PIWIL2: variants seen among roughly 807,000 people sequenced by gnomAD.
PIWIL2 encodes piwi like RNA-mediated gene silencing 2.
PIWIL2 carries 81 observed loss-of-function variants against 116.5 expected under a neutral mutation model. The ratio of observed to expected loss-of-function variants is 0.70; its 90% CI spans 0.58 to 0.84. The LOEUF is 0.84. PIWIL2 is among the 40% of genes least tolerant of loss of function. The pLI, the probability that PIWIL2 is intolerant of heterozygous loss-of-function variation, is 0.00. For synonymous variants in PIWIL2, 489 were observed against 429.5 expected (o/e 1.14, Z -1.71); for missense variants, 1,272 against 1,212.3 (o/e 1.05, Z -0.73).
In PIWIL2 at chr8:22,318,209, G is replaced by A; in HGVS notation, c.2337G>A (p.Met779Ile). 6.2e-7 allele frequency: 1 copy of A among 1,613,828 alleles called. No individual in the cohort carries two copies. Among genetic ancestry groups the A allele is most frequent in the Non-Finnish European group, 8.5e-7 (1 of 1,179,728 alleles). ...TKWYSRVVFQMPHQEIVDSLK... is the reference protein window; with the variant it reads ...TKWYSRVVFQIPHQEIVDSLK... ...GGTATTCCCGGGTGGTGTTCCAGAT[G>A]CCGCATCAGGAGATTGTGGACAGCC... Residue 779 changes from methionine (M) to isoleucine (I), a missense_variant, in exon 20 of 23, where the codon ATG becomes ATA. Transcript: ENST00000356766.
chr8:22,279,663 G>C, intron 2 of PIWIL2, 79 bp downstream of exon 2: 2 of 1,366,890 alleles, frequency 1.5e-6, no homozygotes, highest in Middle Eastern at 2.4e-4. Flanking sequence ...ATTTCAAAGT[G>C]CTTGCAGGGC....
intron 20 of PIWIL2, among the ~76,000 whole-genome samples, chr8:22,326,038 A>G (rs1382522921): frequency 6.6e-6 from 1 of 152,138 alleles, no homozygotes; most frequent in Non-Finnish European, 1.5e-5. Context: ...AACATGTAGA[A>G]TAGATTCAGC....
chr8:22,344,246 A>G (rs750636786), intron 20 of PIWIL2, among the ~76,000 whole-genome samples: 1 of 152,226 alleles, frequency 6.6e-6, no homozygotes, highest in Non-Finnish European at 1.5e-5. Flanking sequence ...GGTGGCACAC[A>G]GGATTTTTAG....
intron 1 of PIWIL2, chr8:22,275,882 A>G (rs1248830561): frequency 6.6e-6 from 1 of 152,248 alleles, no homozygotes; most frequent in East Asian, 1.9e-4. Context: ...AGTATCTGCT[A>G]CCTGATCCCA....
chr8:22,277,606 A>G (rs1465097299), intron 1 of PIWIL2, among the ~76,000 whole-genome samples: 7 of 152,032 alleles, frequency 4.6e-5, no homozygotes, highest in Admixed American at 4.6e-4. Context: ...TCCTGGCCTC[A>G]ATGGTCCTCC....
rs1831405510 is a variant in PIWIL2, at chr8:22,314,448, AG to A, written c.2091+21del. On this transcript the variant is annotated intron_variant, in intron 17 of 22. Transcript: ENST00000356766. The stretch of plus-strand genomic sequence containing the variant: ...CTCCCAGGTGAGTGGGTGTTGGGGC[AG>A]GAGGCGCAGATGGCACCTCTCGCCT... 1 of 1,400,558 alleles carries A rather than the reference AG, an allele frequency of 7.1e-7. No homozygotes were observed. Among genetic ancestry groups the A allele is most frequent in the Non-Finnish European group, 9.8e-7 (1 of 1,020,098 alleles). 86.8% of individuals were successfully genotyped at this position (1,400,558 alleles called of 1,614,324 possible).
chr8:22,300,112 A>G (rs973095671), intron 10 of PIWIL2, among the ~76,000 whole-genome samples: 10 of 151,804 alleles, frequency 6.6e-5, no homozygotes, highest in African/African-American at 1.7e-4. Context: ...ATTTTTTTTA[A>G]TAGAGATGGG....
intron 20 of PIWIL2, among the ~76,000 whole-genome samples, chr8:22,335,582 C>G (rs1441305763): frequency 1.6e-5 from 2 of 125,030 alleles, no homozygotes; most frequent in African/African-American, 6.0e-5. Context: ...CAGTCTTGCT[C>G]TGTTGCTCAG....
chr8:22,312,996 G>A (rs1447128748), intron 16 of PIWIL2, among the ~76,000 whole-genome samples: 1 of 152,004 alleles, frequency 6.6e-6, no homozygotes, highest in Admixed American at 6.6e-5. Flanking sequence ...CTCTACCATG[G>A]CCTCCCTCAG....
intron 17 of PIWIL2, among the ~76,000 whole-genome samples, chr8:22,314,637 G>A (rs767848427): frequency 2.0e-5 from 3 of 152,206 alleles, no homozygotes; most frequent in Non-Finnish European, 4.4e-5. Flanking sequence ...CAAATGAACA[G>A]TTTCGCTTGT....
Position 22,318,808 on chromosome 8 carries a change from A to G in PIWIL2, c.2403+533A>G, listed in dbSNP as rs1831528728. On this transcript the variant is annotated intron_variant, in intron 20 of 22. Transcript: ENST00000356766. ...CTAAATGCTTTCATTTGGTTTAGTAAGTAATAATTTTTTCTCAGGTTGTCA... is the reference window on the plus strand; with the variant it reads ...CTAAATGCTTTCATTTGGTTTAGTAGGTAATAATTTTTTCTCAGGTTGTCA... Among the ~76,000 whole-genome samples the G allele has an allele frequency of 2.0e-5, 3 of 152,198 alleles. 1 individual carries two copies. Among genetic ancestry groups the G allele is most frequent in the Non-Finnish European group, 4.4e-5 (3 of 68,040 alleles).
intron 20 of PIWIL2, among the ~76,000 whole-genome samples, chr8:22,336,358 C>T (rs185493863): frequency 2.6e-5 from 4 of 151,942 alleles, no homozygotes; most frequent in Non-Finnish European, 2.9e-5. Context: ...GGAAATTAAA[C>T]AAGACTGGCT....
chr8:22,314,181 G>T, intron 16 of PIWIL2, 147 bp from the exon 17 acceptor site: 1 of 429,242 alleles, frequency 2.3e-6, no homozygotes, highest in Non-Finnish European at 4.2e-6. Context: ...CCTTGTTCTG[G>T]TTGGAATGTC....
At chr8:22,309,662 T>C (rs1281070646) in intron 14 of PIWIL2, among the ~76,000 whole-genome samples, 1 of 152,252 alleles carries the variant, frequency 6.6e-6, no homozygotes, top group East Asian at 1.9e-4. Context: ...TTTTGAAGAT[T>C]GTTTTCCTTT....
intron 18 of PIWIL2, among the ~76,000 whole-genome samples, chr8:22,315,731 A>G (rs1382387579): frequency 1.3e-5 from 2 of 152,256 alleles, no homozygotes; most frequent in African/African-American, 2.4e-5. Flanking sequence ...ACTGGAATAC[A>G]GCCATACTCC....
chr8:22,303,773 A>T (rs1221016390), intron 10 of PIWIL2, among the ~76,000 whole-genome samples: 2 of 151,894 alleles, frequency 1.3e-5, no homozygotes. Context: ...GAAATAAGGT[A>T]TCACTATGTT....
intron 20 of PIWIL2, 24 bp from the exon 21 acceptor site, chr8:22,352,935 A>G (rs752494179): frequency 1.3e-6 from 2 of 1,595,934 alleles, no homozygotes; most frequent in Non-Finnish European, 1.7e-6. Context: ...TCTGTGAGTC[A>G]CCACATCCTC....
At chr8:22,327,373 T>TG (rs1376619505) in intron 20 of PIWIL2, among the ~76,000 whole-genome samples, 103 of 149,986 alleles carry the variant, frequency 6.9e-4, no homozygotes, top group Non-Finnish European at 1.2e-3. Flanking sequence ...TGTTTCGTTT[T>TG]TTTTTTTTTT....
At chr8:22,324,809 CAG>C (rs1831685082) in intron 20 of PIWIL2, among the ~76,000 whole-genome samples, 2 of 152,116 alleles carry the variant, frequency 1.3e-5, no homozygotes, top group African/African-American at 4.8e-5. Flanking sequence ...AATTTAGACA[CAG>C]AGGCAGACAC....
Sources: gnomAD v4.1 joint callset for allele counts (sites outside exome capture counted in the v4.1 genomes callset) on GRCh38, gnomAD v4.1.1 for gene constraint, MANE v1.5 for transcripts, NCBI Gene and HGNC (gene_info 2026-07-23, HGNC 2026-07-21) for gene names.